MITF: variants seen among roughly 807,000 people sequenced by gnomAD.
MITF encodes the protein melanocyte inducing transcription factor, also known as microphthalmia-associated transcription factor.
A neutral mutation model predicts 60.5 loss-of-function variants in MITF; 17 were observed. The observed-to-expected ratio is 0.28, with a 90% CI of 0.19 to 0.42. MITF has a LOEUF of 0.42. Ranked by LOEUF, MITF falls within the 10% of genes least tolerant of loss-of-function variation. The pLI is 1.00. For missense variants in MITF, 622 were observed against 683.5 expected (o/e 0.91, Z 1.00); for synonymous variants, 260 against 248.5 (o/e 1.05, Z -0.43).
At chr3:69,805,925 T>G (rs1293537374) in intron 1 of MITF, among the ~76,000 whole-genome samples, 1 of 152,144 alleles carries the variant, frequency 6.6e-6, no homozygotes, top group Non-Finnish European at 1.5e-5. Flanking sequence ...TCTTCCAAAG[T>G]ACTGGGATTA....
chr3:69,782,099 G>A (rs942856977), intron 1 of MITF, among the ~76,000 whole-genome samples: 1 of 152,214 alleles, frequency 6.6e-6, no homozygotes, highest in African/African-American at 2.4e-5. Flanking sequence ...CATGGCCTAG[G>A]AATGGCAGCC....
At chr3:69,748,073 C>CA (rs11452399) in intron 1 of MITF, among the ~76,000 whole-genome samples, 30,260 of 151,976 alleles carry the variant, frequency 0.2, 3,454 homozygotes, top group East Asian at 0.48. Flanking sequence ...GGTGCAGAAA[C>CA]AAAAAAGAAG....
At chr3:69,914,125 G>A (rs1398959522) in intron 2 of MITF, among the ~76,000 whole-genome samples, 2 of 151,952 alleles carry the variant, frequency 1.3e-5, no homozygotes, top group African/African-American at 2.4e-5. Flanking sequence ...GAACTTTTTT[G>A]TTTGTTTGTT....
At chr3:69,869,773 T>A (rs140876142) in intron 1 of MITF, among the ~76,000 whole-genome samples, 2 of 152,240 alleles carry the variant, frequency 1.3e-5, no homozygotes, top group African/African-American at 4.8e-5. Context: ...AACTGCTTTG[T>A]CATAAACAAA....
chr3:69,745,983 T>A (rs1467825334), intron 1 of MITF, among the ~76,000 whole-genome samples: 7 of 152,212 alleles, frequency 4.6e-5, no homozygotes, highest in Admixed American at 2.6e-4. Flanking sequence ...TTTTTACCCT[T>A]CTCTTAAGAA....
In MITF at chr3:69,913,993, G is replaced by C. The variant is rs531548635; in HGVS notation, c.355-23829G>C. Among the ~76,000 whole-genome samples, 56 of 152,312 alleles carry C rather than the reference G, an allele frequency of 3.7e-4. No homozygotes were observed. The South Asian group carries it at 0.011, about 30-fold the overall frequency. On this transcript the variant is annotated intron_variant, in intron 2 of 9. Coordinates refer to ENST00000352241, the MANE Select transcript of MITF (RefSeq NM_001354604.2). ...AAAATGCTTATTCTCAGTAGAAGTT[G>C]TTTTCATGGGCTTTTCCATTTATTT... is the stretch of plus-strand genomic sequence containing the variant.
chr3:69,742,197 G>A (rs1435104540), intron 1 of MITF, among the ~76,000 whole-genome samples: 1 of 143,054 alleles, frequency 7.0e-6, no homozygotes, highest in Non-Finnish European at 1.5e-5. Flanking sequence ...TCAGTTGGAG[G>A]TGATTTTGCC....
At chr3:69,828,563 T>C (rs894502562) in intron 1 of MITF, among the ~76,000 whole-genome samples, 3 of 151,888 alleles carry the variant, frequency 2.0e-5, no homozygotes, top group Non-Finnish European at 4.4e-5. Flanking sequence ...TATAAGTCTG[T>C]GTATATGTAT....
intron 1 of MITF, among the ~76,000 whole-genome samples, chr3:69,793,160 C>G (rs1050500993): frequency 6.6e-5 from 10 of 151,316 alleles, no homozygotes; most frequent in African/African-American, 2.4e-4. Flanking sequence ...ACTATAGGCG[C>G]TTGCCACCAC....
intron 2 of MITF, among the ~76,000 whole-genome samples, chr3:69,920,519 A>G (rs1250046736): frequency 2.6e-5 from 4 of 152,150 alleles, no homozygotes; most frequent in Non-Finnish European, 5.9e-5. Context: ...AAATTAGTGA[A>G]AGTAATAATA....
At chr3:69,908,081 G>A (rs2065140264) in intron 2 of MITF, among the ~76,000 whole-genome samples, 1 of 147,478 alleles carries the variant, frequency 6.8e-6, no homozygotes, top group Admixed American at 6.7e-5. Flanking sequence ...GAAACCTTAT[G>A]GGGCTTTTGC....
intron 1 of MITF, among the ~76,000 whole-genome samples, chr3:69,828,020 G>T (rs991388179): frequency 2.8e-4 from 43 of 152,154 alleles, no homozygotes; most frequent in African/African-American, 9.9e-4. Flanking sequence ...TACAATTCTT[G>T]TCATAAATGT....
intron 1 of MITF, among the ~76,000 whole-genome samples, chr3:69,860,848 T>C (rs1469375267): frequency 2.6e-5 from 4 of 152,204 alleles, no homozygotes; most frequent in African/African-American, 9.6e-5. Flanking sequence ...GCTTCCTTGG[T>C]TTCCGGGGAC....
chr3:69,741,278 G>A (rs1489888126), intron 1 of MITF, among the ~76,000 whole-genome samples: 2 of 152,176 alleles, frequency 1.3e-5, no homozygotes, highest in Non-Finnish European at 2.9e-5. Context: ...GAAGGGACCA[G>A]TGTTTTACTG....
chr3:69,944,921 G>A (rs1462804575), intron 5 of MITF, among the ~76,000 whole-genome samples: 2 of 152,038 alleles, frequency 1.3e-5, no homozygotes, highest in Admixed American at 6.6e-5. Flanking sequence ...AAAGTTTAAT[G>A]TTCTTCGTGT....
intron 1 of MITF, among the ~76,000 whole-genome samples, chr3:69,844,207 T>C (rs1350006645): frequency 6.6e-6 from 1 of 152,202 alleles, no homozygotes; most frequent in African/African-American, 2.4e-5. Context: ...TAAACATACA[T>C]GTGCATGTGT....
chr3:69,948,573 C>T (rs1448385165), intron 5 of MITF, among the ~76,000 whole-genome samples: 2 of 151,142 alleles, frequency 1.3e-5, no homozygotes, highest in Non-Finnish European at 2.9e-5. Flanking sequence ...CATTGCTTTT[C>T]CTTGTAAAAG....
chr3:69,935,117 C>T (rs1409779551), intron 2 of MITF, among the ~76,000 whole-genome samples: 1 of 152,182 alleles, frequency 6.6e-6, no homozygotes, highest in Non-Finnish European at 1.5e-5. Context: ...TCATGTTCCT[C>T]ATTTATGTTG....
intron 5 of MITF, among the ~76,000 whole-genome samples, chr3:69,944,265 G>T (rs2066040329): frequency 6.6e-6 from 1 of 152,116 alleles, no homozygotes; most frequent in Admixed American, 6.6e-5. Flanking sequence ...CAGGCAAGGT[G>T]CTGTGGATGC....
Sources: gnomAD v4.1 joint callset for allele counts (sites outside exome capture counted in the v4.1 genomes callset) on GRCh38, gnomAD v4.1.1 for gene constraint, MANE v1.5 for transcripts, NCBI Gene and HGNC (gene_info 2026-07-23, HGNC 2026-07-21) for gene names.